The following ANK3 variants were observed in gnomAD, a reference collection of about 807,000 sequenced individuals.
ANK3 encodes the protein ankyrin 3, also known as ankyrin-3.
Under a neutral mutation model 370.9 loss-of-function variants are expected in ANK3, and 57 were observed. The observed-to-expected ratio is 0.15, with a 90% CI of 0.12 to 0.19. The LOEUF is 0.19. ANK3 is among the 10% of genes least tolerant of loss of function. The pLI, the probability that ANK3 is intolerant of heterozygous loss-of-function variation, is 1.00. For synonymous variants in ANK3, 1,929 were observed against 1,946.3 expected, an observed-to-expected ratio of 0.99 and a Z score of 0.23; for missense variants, 4,439 against 5,302.1, an observed-to-expected ratio of 0.84 and a Z score of 5.06.
chr10:60,604,213 C>A (rs2078101360), intron 2 of ANK3, among the ~76,000 whole-genome samples: 1 of 152,116 alleles, frequency 6.6e-6, no homozygotes, highest in Non-Finnish European at 1.5e-5. Flanking sequence ...GGAAAGAATG[C>A]AAAGCTACAT....
intron 1 of ANK3, among the ~76,000 whole-genome samples, chr10:60,355,272 T>C (rs1347443882): frequency 6.6e-6 from 1 of 152,178 alleles, no homozygotes; most frequent in Non-Finnish European, 1.5e-5. Context: ...CTCCAAAAAG[T>C]TTAATTGAAA....
Position 60,331,779 on chromosome 10 carries a change from T to C in ANK3, c.115-52140A>G, listed in dbSNP as rs572235689. Among the ~76,000 whole-genome samples the C allele has an allele frequency of 2.1e-4, 32 of 152,262 alleles. 1 individual carries two copies. Among genetic ancestry groups the C allele is most frequent in the African/African-American group, 7.7e-4 (32 of 41,576 alleles). ...AATTTTCTCCAGGAGATTTAAAAAA[T>C]AGTTTATATTTTAAACTAACACCTA... On this transcript the variant is annotated intron_variant, in intron 1 of 43. Coordinates refer to ENST00000280772, the MANE Select transcript of ANK3 (RefSeq NM_020987.5).
chr10:60,220,071 A>G (rs529424980), intron 8 of ANK3, among the ~76,000 whole-genome samples: 1 of 152,314 alleles, frequency 6.6e-6, no homozygotes, highest in East Asian at 1.9e-4. Flanking sequence ...TACAAAAAAT[A>G]ATGTCCAAAT....
chr10:60,074,189 T>C lies in ANK3; in HGVS notation c.6692A>G (p.Asn2231Ser), dbSNP rs745726299. ...MKASSEEDDHNRVLSKGMRVK... is the reference protein window; with the variant it reads ...MKASSEEDDHSRVLSKGMRVK... ...ACGCATGCCTTTGCTTAAAACCCGA[T>C]TGTGGTCATCTTCTTCACTACTGGC... Residue 2231 changes from asparagine (N) to serine (S), a missense_variant, in exon 37 of 44, where the codon AAT becomes AGT. Physicochemically the swap from Asn to Ser is conservative, Grantham distance 46. This residue lies in a region of ANK3 where 1,601 missense variants were observed against 1,731.7 expected (regional missense o/e 0.92). Coordinates refer to ENST00000280772, the MANE Select transcript of ANK3 (RefSeq NM_020987.5). 1 of 1,614,028 alleles carries C rather than the reference T, an allele frequency of 6.2e-7. No individual in the cohort carries two copies. Among genetic ancestry groups the C allele is most frequent in the African/African-American group, 1.3e-5 (1 of 74,930 alleles).
chr10:60,402,147 A>T (rs2063364038), intron 2 of ANK3, among the ~76,000 whole-genome samples: 1 of 152,326 alleles, frequency 6.6e-6, no homozygotes, highest in South Asian at 2.1e-4. Flanking sequence ...AATATTCACG[A>T]TAATATTTAC....
At chr10:60,535,406 T>C (rs2076701152) in intron 2 of ANK3, among the ~76,000 whole-genome samples, 1 of 152,118 alleles carries the variant, frequency 6.6e-6, no homozygotes, top group Admixed American at 6.6e-5. Flanking sequence ...AATAGTCCTT[T>C]ATTGCAGAAG....
intron 8 of ANK3, among the ~76,000 whole-genome samples, chr10:60,226,004 T>C (rs1306875854): frequency 6.9e-6 from 1 of 145,528 alleles, no homozygotes; most frequent in Non-Finnish European, 1.5e-5. Flanking sequence ...ATTCCTATAA[T>C]GTAATAAGAT....
chr10:60,188,926 AAG>A (rs887315955), intron 16 of ANK3, among the ~76,000 whole-genome samples: 1 of 152,222 alleles, frequency 6.6e-6, no homozygotes, highest in South Asian at 2.1e-4. Context: ...ACCAGCATAA[AAG>A]AGAAAATTCA....
In ANK3 at chr10:60,076,306, T is replaced by C; in HGVS notation, c.4575A>G (p.Ser1525=). ...GPAKSGFTSL[S]SSSSNTPSAS... is the part of the protein sequence containing the mutation. ...CTGATGGCGTATTAGAGGAAGAACT[T>C]GATAAGGAAGTGAAGCCTGACTTGG... is the stretch of plus-strand genomic sequence containing the variant. The change falls in exon 37 of 44, where the codon TCA becomes TCG. Residue 1525 remains serine (S), a synonymous_variant. Transcript: ENST00000280772. The C allele has an allele frequency of 6.2e-7, 1 of 1,614,066 alleles. No individual in the cohort carries two copies. Among genetic ancestry groups the C allele is most frequent in the Middle Eastern group, 1.6e-4 (1 of 6,062 alleles).
chr10:60,438,481 T>A (rs2132999400), intron 2 of ANK3, among the ~76,000 whole-genome samples: 1 of 152,270 alleles, frequency 6.6e-6, no homozygotes, highest in South Asian at 2.1e-4. Flanking sequence ...CATCCCAGCA[T>A]CCAGTACTTT....
chr10:60,215,722 C>T (rs1165710722), intron 8 of ANK3, among the ~76,000 whole-genome samples: 1 of 152,110 alleles, frequency 6.6e-6, no homozygotes, highest in Non-Finnish European at 1.5e-5. Flanking sequence ...GTTTTGGTAC[C>T]AGTACCAGGC....
At position 60,150,970 on chromosome 10, in the gene ANK3, C is replaced by T. The variant is rs1306098586; in HGVS notation, c.2615-11883G>A. On this transcript the variant is annotated intron_variant, in intron 23 of 43. Coordinates refer to ENST00000280772, the MANE Select transcript of ANK3 (RefSeq NM_020987.5). ...TAAATGCAAATTCCAGTTTCTGTAACTGTGTGAACGTGAGCAAATATCTTA... is the reference window on the plus strand; with the variant it reads ...TAAATGCAAATTCCAGTTTCTGTAATTGTGTGAACGTGAGCAAATATCTTA... 3.3e-5 allele frequency among the ~76,000 whole-genome samples: 5 copies of T among 152,292 alleles called. 1 individual carries two copies. Among genetic ancestry groups the T allele is most frequent in the Admixed American group, 3.3e-4 (5 of 15,300 alleles).
chr10:60,475,707 T>A (rs1457792023), intron 2 of ANK3, among the ~76,000 whole-genome samples: 2 of 152,212 alleles, frequency 1.3e-5, no homozygotes, highest in East Asian at 3.9e-4. Context: ...TACTAAGTGA[T>A]AATTATTCCC....
intron 1 of ANK3, among the ~76,000 whole-genome samples, chr10:60,387,160 C>CAA (rs554734732): frequency 1.4e-5 from 2 of 139,902 alleles, no homozygotes; most frequent in Non-Finnish European, 3.1e-5. Context: ...GACTCCATCT[C>CAA]AAAAAAAAAA....
At chr10:60,056,380 G>A (rs901570899) in intron 41 of ANK3, among the ~76,000 whole-genome samples, 1 of 151,170 alleles carries the variant, frequency 6.6e-6, no homozygotes, top group Non-Finnish European at 1.5e-5. Flanking sequence ...GAGGCAGGAG[G>A]ATTGCTTGAA....
chr10:60,710,889 T>C (rs2079695472), intron 1 of ANK3, among the ~76,000 whole-genome samples: 1 of 152,206 alleles, frequency 6.6e-6, no homozygotes, highest in Non-Finnish European at 1.5e-5. Flanking sequence ...GCTCAACTAG[T>C]CTGGCAGAAA....
upstream of ANK3, among the ~76,000 whole-genome samples, chr10:60,391,513 A>G (rs1260778419): frequency 1.3e-5 from 2 of 152,214 alleles, no homozygotes; most frequent in South Asian, 4.1e-4. Flanking sequence ...CATTTTCCCA[A>G]TATAAATCGT....
chr10:60,489,031 AG>A (rs1422790192), intron 2 of ANK3, among the ~76,000 whole-genome samples: 1 of 152,202 alleles, frequency 6.6e-6, no homozygotes, highest in East Asian at 1.9e-4. Flanking sequence ...TTTTTTTTCT[AG>A]GCAAAATTAT....
intron 28 of ANK3, among the ~76,000 whole-genome samples, chr10:60,089,872 G>A (rs1057085377): frequency 6.6e-6 from 1 of 151,310 alleles, no homozygotes; most frequent in African/African-American, 2.4e-5. Flanking sequence ...TTTAAATCAA[G>A]GTAATATATT....
Sources: gnomAD v4.1 joint callset for allele counts (sites outside exome capture counted in the v4.1 genomes callset) on GRCh38, gnomAD v4.1.1 for gene constraint, gnomAD v4.1.1 regional missense constraint, MANE v1.5 for transcripts, NCBI Gene and HGNC (gene_info 2026-07-23, HGNC 2026-07-21) for gene names.